The following DNAJC14 variants were observed in gnomAD, a reference collection of about 807,000 sequenced individuals.
DNAJC14 encodes the protein DnaJ heat shock protein family (Hsp40) member C14.
A neutral mutation model predicts 68.8 loss-of-function variants in DNAJC14; 12 were observed. The ratio of observed to expected loss-of-function variants is 0.17; its 90% CI spans 0.11 to 0.28. The LOEUF (loss-of-function observed/expected upper bound fraction) is 0.28, where lower values mean the gene tolerates loss of function less well. DNAJC14 is among the 10% of genes least tolerant of loss of function. The pLI, the probability that DNAJC14 is intolerant of heterozygous loss-of-function variation, is 1.00. For missense variants in DNAJC14, 764 were observed against 875.6 expected (o/e 0.87, Z 1.61); for synonymous variants, 350 against 321.5 (o/e 1.09, Z -0.95).
In DNAJC14 at chr12:55,828,264, T is replaced by C. The variant is rs1880859270; in HGVS notation, c.395A>G (p.Gln132Arg). 2 of 1,605,446 alleles carry C rather than the reference T, an allele frequency of 1.2e-6. No individual in the cohort carries two copies. Among genetic ancestry groups the C allele is most frequent in the South Asian group, 1.1e-5 (1 of 89,968 alleles). Residue 132 changes from glutamine (Q) to arginine (R), a missense_variant, in exon 2 of 7, where the codon CAG (glutamine) becomes CGG (arginine). Coordinates refer to ENST00000678005, the MANE Select transcript of DNAJC14 (RefSeq NM_032364.6). ...FLSIPSACNC[Q>R]GTPGIPEGPY... Reference sequence around the variant, plus strand: ...CCCTTCTGGAATTCCAGGTGTTCCCTGGCAGTTGCAAGCAGATGGAATGGA... The same window carrying C: ...CCCTTCTGGAATTCCAGGTGTTCCCCGGCAGTTGCAAGCAGATGGAATGGA...
chr12:55,825,693 G>A (rs1202485824), intron 2 of DNAJC14, among the ~76,000 whole-genome samples: 8 of 151,664 alleles, frequency 5.3e-5, no homozygotes, highest in African/African-American at 9.7e-5. Flanking sequence ...ACAGGCGCCC[G>A]CCACCACACC....
chr12:55,828,208 T>C lies in DNAJC14; in HGVS notation c.451A>G (p.Ser151Gly), dbSNP rs1234422732. ...GAGGTACAGTGGTGGCAAAAGTTGCTAGAAGAACCATTTCCTCCCTCAGAG... is the reference window on the plus strand; with the variant it reads ...GAGGTACAGTGGTGGCAAAAGTTGCCAGAAGAACCATTTCCTCCCTCAGAG... ...PYSEGGNGSS[S>G]NFCHHCTSPA... The change falls in exon 2 of 7, where the codon AGC (serine) becomes GGC (glycine). Residue 151 changes from serine to glycine, a missense_variant. By Grantham distance (56) the Ser-to-Gly change is moderately conservative. Around this residue, in one of 4 missense-constraint regions of DNAJC14, gnomAD observed 514 missense variants for 521.7 expected, o/e 0.99. Coordinates refer to ENST00000678005, the MANE Select transcript of DNAJC14 (RefSeq NM_032364.6). 1 of 1,611,172 alleles carries C rather than the reference T, an allele frequency of 6.2e-7. No individual in the cohort carries two copies. Among genetic ancestry groups the C allele is most frequent in the Non-Finnish European group, 8.5e-7 (1 of 1,178,836 alleles).
intron 2 of DNAJC14, among the ~76,000 whole-genome samples, chr12:55,825,130 C>CAA (rs71074860): frequency 1.6e-3 from 104 of 65,118 alleles, no homozygotes; most frequent in Middle Eastern, 6.5e-3. Context: ...GACCCTGTCT[C>CAA]AAAAAAAAAA....
intron 2 of DNAJC14, among the ~76,000 whole-genome samples, chr12:55,827,029 A>G (rs1256466169): frequency 6.6e-6 from 1 of 151,286 alleles, no homozygotes; most frequent in African/African-American, 2.4e-5. Flanking sequence ...CTCTACTAAA[A>G]ATACAAAAAA....
chr12:55,829,637 C>T, upstream of DNAJC14: 3 of 981,176 alleles, frequency 3.1e-6, no homozygotes, highest in Non-Finnish European at 3.6e-6. Flanking sequence ...CCTACTTCCA[C>T]TTCCGGGGTC....
chr12:55,828,052 T>C lies in DNAJC14; in HGVS notation c.607A>G (p.Thr203Ala), dbSNP rs776181510. Residue 203 changes from threonine to alanine, a missense_variant, in exon 2 of 7, where the codon ACG becomes GCG. Thr to Ala is a moderately conservative substitution (Grantham distance 58, BLOSUM62 0). Transcript: ENST00000678005. ...CCACCCTCCCGAGTATCCTCCTTCG[T>C]TGGAAAGCGGTGCCGCTGTCTCCGG... The part of the protein sequence containing the change: ...PSRRQRHRFP[T>A]KEDTREGGRR... The C allele has an allele frequency of 5.0e-6, 8 of 1,612,196 alleles. 1 individual carries two copies. The highest frequency in any genetic ancestry group is 3.4e-5 in the Admixed American group (2 of 59,694).
Position 55,822,489 on chromosome 12 carries a change from A to C in DNAJC14, c.1796-14T>G, listed in dbSNP as rs1326659112. 1 of 1,613,850 alleles carries C rather than the reference A, an allele frequency of 6.2e-7. No individual in the cohort carries two copies. The highest frequency in any genetic ancestry group is 1.7e-5 in the Admixed American group (1 of 59,982). On this transcript the variant is annotated splice_polypyrimidine_tract_variant and intron_variant, in intron 5 of 6. Transcript: ENST00000678005. ...ATCCAGCCCACTCTATAAACATGAG[A>C]AATAATTAGCCAAAACGTCGCAGTT...
upstream of DNAJC14, chr12:55,829,606 C>A (rs923116286): frequency 1.0e-6 from 1 of 985,524 alleles, no homozygotes; most frequent in Non-Finnish European, 1.2e-6. Context: ...CTTCCGTCCC[C>A]GCGGCCGCCG....
At chr12:55,822,848 GTATTTCA>G in intron 4 of DNAJC14, 116 bp from the exon 5 acceptor site, 1 of 1,427,832 alleles carries the variant, frequency 7.0e-7, no homozygotes. Flanking sequence ...ACCCCACTTA[GTATTTCA>G]TATCCCTTCA....
rs1414072941 is a variant in DNAJC14, at chr12:55,821,499, G to C, written c.*478C>G. 1 of 153,370 alleles carries C rather than the reference G, an allele frequency of 6.5e-6. No individual in the cohort carries two copies. The highest frequency in any genetic ancestry group is 1.9e-4 in the East Asian group (1 of 5,202). 9.5% of individuals were successfully genotyped at this position (153,370 alleles called of 1,614,324 possible). On this transcript the variant is annotated 3_prime_UTR_variant, in exon 7 of 7. Coordinates refer to ENST00000678005, the MANE Select transcript of DNAJC14 (RefSeq NM_032364.6). ...TAAAGGGATACACTGTCCAGCCCAGGTCCAGGCCCTAGGTTCTTTACTCTA... is the reference window on the plus strand; with the variant it reads ...TAAAGGGATACACTGTCCAGCCCAGCTCCAGGCCCTAGGTTCTTTACTCTA...
rs1205079797 is a variant in DNAJC14, at chr12:55,828,727, T to C, written c.-56-13A>G. On this transcript the variant is annotated splice_polypyrimidine_tract_variant and intron_variant, in intron 1 of 6. Coordinates refer to ENST00000678005, the MANE Select transcript of DNAJC14 (RefSeq NM_032364.6). ...TGTGTTCTGATGCCTGTAACAGATA[T>C]CAAGGTGGAGACAGTCAAGGATGAG... 24 of 1,510,572 alleles carry C rather than the reference T, an allele frequency of 1.6e-5. No individual in the cohort carries two copies. Among genetic ancestry groups the C allele is most frequent in the Non-Finnish European group, 2.1e-5 (24 of 1,127,992 alleles). The allele number at this position is 1,510,572 out of a possible 1,614,324, so 93.6% of individuals were successfully genotyped here.
At position 55,828,684 on chromosome 12, in the gene DNAJC14, A is replaced by G; in HGVS notation, c.-26T>C. ...GACCCCGGGGCTTCCTGAGGGTCTT[A>G]GGTCACAGCCATCATGGTGTGTTCT... is the stretch of plus-strand genomic sequence containing the variant. On this transcript the variant is annotated 5_prime_UTR_variant, in exon 2 of 7. An upstream open reading frame in the 5' UTR loses its in-frame stop. Transcript: ENST00000678005. The G allele has an allele frequency of 6.3e-7, 1 of 1,596,956 alleles. No homozygotes were observed.
At chr12:55,825,542 C>CTTTTTTTTT (rs11375162) in intron 2 of DNAJC14, among the ~76,000 whole-genome samples, 1 of 122,050 alleles carries the variant, frequency 8.2e-6, no homozygotes, top group Admixed American at 9.8e-5. Context: ...TGCACACCCT[C>CTTTTTTTTT]TTTTTTTTTT....
At chr12:55,824,044 A>G (rs1048420683) in intron 2 of DNAJC14, among the ~76,000 whole-genome samples, 2 of 151,766 alleles carry the variant, frequency 1.3e-5, no homozygotes, top group Admixed American at 6.6e-5. Context: ...CAGCCTGAAT[A>G]TCTATCATGG....
intron 2 of DNAJC14, among the ~76,000 whole-genome samples, chr12:55,825,555 T>TTG (rs1880771004): frequency 6.7e-6 from 1 of 149,774 alleles, no homozygotes; most frequent in South Asian, 2.2e-4. Context: ...TTTTTTTTTT[T>TTG]TTTTTTGAGA....
chr12:55,827,885 C>A lies in DNAJC14; in HGVS notation c.774G>T (p.Leu258=). The stretch of plus-strand genomic sequence containing the variant: ...CTACGTACTCTCCCACCAATACCAG[C>A]AGTTCAATCAGCCACCAAAAGCCTG... ...GQAGFWWLIE[L]LVLVGEYVET... Residue 258 remains leucine, a synonymous_variant, in exon 2 of 7, where the codon CTG becomes CTT. Coordinates refer to ENST00000678005, the MANE Select transcript of DNAJC14 (RefSeq NM_032364.6). 1.9e-6 allele frequency: 3 copies of A among 1,610,090 alleles called. No homozygotes were observed. Among genetic ancestry groups the A allele is most frequent in the Non-Finnish European group, 2.5e-6 (3 of 1,177,138 alleles).
At chr12:55,823,577 A>G in intron 2 of DNAJC14, 69 bp from the exon 3 acceptor site, 1 of 1,362,962 alleles carries the variant, frequency 7.3e-7, no homozygotes, top group Non-Finnish European at 1.0e-6. Context: ...TTATTCTCAT[A>G]TCAAAGGGTT....
rs1209426278 is a variant in DNAJC14 at position 55,821,365 on chromosome 12, GA to G, written c.*611del. The G allele has an allele frequency of 4.6e-5, 7 of 152,764 alleles. No individual in the cohort carries two copies. Among genetic ancestry groups the G allele is most frequent in the Middle Eastern group, 3.4e-3 (1 of 294 alleles). The allele number at this position is 152,764 out of a possible 1,614,324, so 9.5% of individuals were successfully genotyped here. A position where few individuals can be genotyped will look rare whatever the true frequency, so the allele number is the denominator to read the frequency against. On this transcript the variant is annotated 3_prime_UTR_variant, in exon 7 of 7. Coordinates refer to ENST00000678005, the MANE Select transcript of DNAJC14 (RefSeq NM_032364.6). ...CTCCCTCCTGAAATGGGTCAAGAAA[GA>G]AGATAGACTTGTAGCTTTAAAAGGG... is the stretch of plus-strand genomic sequence containing the variant.
At chr12:55,823,845 C>T (rs139775326) in intron 2 of DNAJC14, among the ~76,000 whole-genome samples, 1 of 150,738 alleles carries the variant, frequency 6.6e-6, no homozygotes, top group East Asian at 1.9e-4. Flanking sequence ...GGTGGGATTA[C>T]AGGCATGCAC....
Sources: gnomAD v4.1 joint callset for allele counts (sites outside exome capture counted in the v4.1 genomes callset) on GRCh38, gnomAD v4.1.1 for gene constraint, gnomAD v4.1.1 regional missense constraint, MANE v1.5 for transcripts, NCBI Gene and HGNC (gene_info 2026-07-23, HGNC 2026-07-21) for gene names.